The following RALB variants were observed in gnomAD, a reference collection of about 807,000 sequenced individuals.
The protein encoded by RALB is RAS like proto-oncogene B.
A neutral mutation model predicts 21.3 loss-of-function variants in RALB; 16 were observed. That is an observed-to-expected ratio of 0.75 (90% CI 0.51 to 1.14). The LOEUF (loss-of-function observed/expected upper bound fraction) is 1.14. RALB is among the 50% of genes most tolerant of loss of function. RALB has a pLI of 0.00. For missense variants in RALB, 161 were observed against 256.2 expected (o/e 0.63, Z 2.54); for synonymous variants, 93 against 96.1 (o/e 0.97, Z 0.19).
At chr2:120,268,601 G>A (rs1689563357) in intron 1 of RALB, among the ~76,000 whole-genome samples, 1 of 152,142 alleles carries the variant, frequency 6.6e-6, no homozygotes, top group Admixed American at 6.5e-5. Flanking sequence ...TTGAGCCCAA[G>A]ATGTTGAGAC....
At chr2:120,272,669 G>A (rs1232413132) in intron 1 of RALB, among the ~76,000 whole-genome samples, 1 of 152,048 alleles carries the variant, frequency 6.6e-6, no homozygotes, top group African/African-American at 2.4e-5. Context: ...AATCATTAAC[G>A]TGAGCTTCCT....
At chr2:120,280,415 G>C (rs1689960153) in intron 2 of RALB, among the ~76,000 whole-genome samples, 1 of 152,150 alleles carries the variant, frequency 6.6e-6, no homozygotes. Context: ...GGACATCGAT[G>C]AAGCTGGAAA....
chr2:120,265,658 G>A (rs948848836), intron 1 of RALB, among the ~76,000 whole-genome samples: 1 of 152,140 alleles, frequency 6.6e-6, no homozygotes, highest in Non-Finnish European at 1.5e-5. Flanking sequence ...CCATGTAGTG[G>A]CTCAGAGTAT....
chr2:120,281,310 G>A (rs530367161), intron 2 of RALB, among the ~76,000 whole-genome samples: 17 of 152,306 alleles, frequency 1.1e-4, no homozygotes, highest in African/African-American at 4.1e-4. Context: ...CTCCAAGGCC[G>A]GCAGGACAGT....
chr2:120,256,764 C>A (rs1689209399), intron 1 of RALB, among the ~76,000 whole-genome samples: 2 of 152,200 alleles, frequency 1.3e-5, no homozygotes, highest in African/African-American at 4.8e-5. Flanking sequence ...GGCATACCAT[C>A]CCTTCTACCA....
chr2:120,289,793 C>T (rs1690264797), intron 4 of RALB, 36 bp downstream of exon 4: 6 of 1,544,462 alleles, frequency 3.9e-6, no homozygotes, highest in South Asian at 1.2e-5. Flanking sequence ...CAGAAACAGA[C>T]CTGAGAAACA....
At chr2:120,258,479 G>T (rs1002054829) in intron 1 of RALB, among the ~76,000 whole-genome samples, 22 of 152,300 alleles carry the variant, frequency 1.4e-4, no homozygotes, top group African/African-American at 5.3e-4. Flanking sequence ...AAAAGGCCAC[G>T]GAGGCCACGG....
chr2:120,285,403 C>G lies in RALB; in HGVS notation c.115-471C>G, dbSNP rs572762949. On this transcript the variant is annotated intron_variant, in intron 2 of 4. Coordinates refer to ENST00000272519, the MANE Select transcript of RALB (RefSeq NM_002881.3). Reference sequence around the variant, plus strand: ...CCATATCATACATCTTGCCAAATTACTTTTCAGATGAATTTTATACTTCCG... The same window carrying G: ...CCATATCATACATCTTGCCAAATTAGTTTTCAGATGAATTTTATACTTCCG... Among the ~76,000 whole-genome samples the G allele has an allele frequency of 1.2e-4, 19 of 152,276 alleles. No individual in the cohort carries two copies. In the South Asian group the frequency reaches 2.1e-3, roughly 17 times the overall value.
intron 1 of RALB, among the ~76,000 whole-genome samples, chr2:120,254,304 CAT>C (rs1461196991): frequency 4.6e-5 from 7 of 152,192 alleles, no homozygotes; most frequent in Non-Finnish European, 8.8e-5. Flanking sequence ...GCCAGGGAGA[CAT>C]ATCCTTTGTG....
At chr2:120,261,923 T>C (rs1164700460) in intron 1 of RALB, among the ~76,000 whole-genome samples, 1 of 152,114 alleles carries the variant, frequency 6.6e-6, no homozygotes, top group African/African-American at 2.4e-5. Context: ...CTGTTTCTGG[T>C]GACGGTGAAG....
intron 1 of RALB, among the ~76,000 whole-genome samples, chr2:120,265,103 T>C (rs890062384): frequency 2.6e-5 from 4 of 152,244 alleles, no homozygotes; most frequent in Non-Finnish European, 5.9e-5. Context: ...TTCTTTTGTA[T>C]ATACAGCCAC....
intron 3 of RALB, among the ~76,000 whole-genome samples, chr2:120,289,313 C>CACTT (rs10624494): frequency 0.7 from 104,793 of 150,654 alleles, 37,053 homozygotes; most frequent in Middle Eastern, 0.8. Context: ...CCTATCCAGA[C>CACTT]ACTTCTGTAA....
chr2:120,292,216 G>A (rs903225817), intron 4 of RALB, among the ~76,000 whole-genome samples: 1 of 152,182 alleles, frequency 6.6e-6, no homozygotes, highest in African/African-American at 2.4e-5. Context: ...CACAAGGGTC[G>A]GAGGAGTGGT....
intron 1 of RALB, among the ~76,000 whole-genome samples, chr2:120,259,928 G>A (rs972269516): frequency 2.0e-5 from 3 of 152,198 alleles, no homozygotes; most frequent in African/African-American, 4.8e-5. Flanking sequence ...GCGAGAAATC[G>A]AGCGCAGTGC....
intron 2 of RALB, among the ~76,000 whole-genome samples, chr2:120,283,780 C>G (rs1219796350): frequency 2.0e-5 from 3 of 152,212 alleles, no homozygotes; most frequent in Admixed American, 2.0e-4. Flanking sequence ...GAAACTGAGC[C>G]ATGCAGAGCT....
upstream of RALB, among the ~76,000 whole-genome samples, chr2:120,249,473 T>C (rs1233174905): frequency 1.3e-5 from 2 of 152,204 alleles, no homozygotes; most frequent in Non-Finnish European, 2.9e-5. Context: ...CTGGGGAGGC[T>C]TCAGGAAGCT....
intron 1 of RALB, among the ~76,000 whole-genome samples, chr2:120,262,711 T>G (rs1689397337): frequency 6.6e-6 from 1 of 152,174 alleles, no homozygotes; most frequent in Non-Finnish European, 1.5e-5. Flanking sequence ...CAAGACTGTT[T>G]CTGTTAGAGC....
upstream of RALB, among the ~76,000 whole-genome samples, chr2:120,250,197 CT>C: frequency 6.6e-6 from 1 of 152,308 alleles, no homozygotes; most frequent in Non-Finnish European, 1.5e-5. Context: ...GCAGGCTAAG[CT>C]ATGTGCAGTA....
intron 1 of RALB, among the ~76,000 whole-genome samples, chr2:120,265,702 C>T (rs1455771032): frequency 2.0e-5 from 3 of 152,226 alleles, no homozygotes; most frequent in African/African-American, 7.2e-5. Context: ...GCCCTGCCAT[C>T]CGCTAGTTAA....
Sources: gnomAD v4.1 joint callset for allele counts (sites outside exome capture counted in the v4.1 genomes callset) on GRCh38, gnomAD v4.1.1 for gene constraint, MANE v1.5 for transcripts, NCBI Gene and HGNC (gene_info 2026-07-23, HGNC 2026-07-21) for gene names.